SOX6: variants seen among roughly 807,000 people sequenced by gnomAD.
SOX6 encodes transcription factor SOX-6.
Under a neutral mutation model 97.8 loss-of-function variants are expected in SOX6, and 11 were observed. The observed-to-expected ratio is 0.11, with a 90% CI of 0.07 to 0.19. The LOEUF (loss-of-function observed/expected upper bound fraction) is 0.19, where lower values mean the gene tolerates loss of function less well. Ranked by LOEUF, SOX6 falls within the 10% of genes least tolerant of loss-of-function variation. SOX6 has a pLI of 1.00. For synonymous variants in SOX6, 360 were observed against 371.4 expected (o/e 0.97, Z 0.35); for missense variants, 810 against 1,039.5 (o/e 0.78, Z 3.04).
At chr11:16,552,848 T>G (rs1242664015) in intron 4 of SOX6, among the ~76,000 whole-genome samples, 1 of 152,152 alleles carries the variant, frequency 6.6e-6, no homozygotes, top group Non-Finnish European at 1.5e-5. Context: ...ATAAGTAAGT[T>G]TGATTTGGTA....
At chr11:16,234,714 A>T in intron 3 of SOX6, 43 bp from the exon 4 acceptor site, 1 of 1,163,110 alleles carries the variant, frequency 8.6e-7, no homozygotes, top group Non-Finnish European at 1.2e-6. Flanking sequence ...TATATTTATT[A>T]CAAATTTAGA....
At chr11:16,081,588 A>T (rs1433145700) in intron 9 of SOX6, among the ~76,000 whole-genome samples, 4 of 152,142 alleles carry the variant, frequency 2.6e-5, no homozygotes, top group Non-Finnish European at 5.9e-5. Flanking sequence ...TGGAATATTT[A>T]TGTCGCTATG....
In SOX6 at chr11:16,118,331, T is replaced by C. The variant is rs1849403943; in HGVS notation, c.778-6408A>G. Reference sequence around the variant, plus strand: ...GGTGGGGAACATATTCTTGATCAAATAGGCTACATGCCCAGAAATTTTAAT... The same window carrying C: ...GGTGGGGAACATATTCTTGATCAAACAGGCTACATGCCCAGAAATTTTAAT... On this transcript the variant is annotated intron_variant, in intron 6 of 15. Coordinates refer to ENST00000683767, the MANE Select transcript of SOX6 (RefSeq NM_001367873.1). 1.3e-5 allele frequency among the ~76,000 whole-genome samples: 2 copies of C among 152,226 alleles called. 1 individual carries two copies. The highest frequency in any genetic ancestry group is 3.8e-4 in the East Asian group (2 of 5,196).
chr11:16,346,981 T>C (rs1411556412), intron 1 of SOX6, among the ~76,000 whole-genome samples: 1 of 152,126 alleles, frequency 6.6e-6, no homozygotes, highest in Non-Finnish European at 1.5e-5. Flanking sequence ...AAAGTTTGTG[T>C]TTCTAGAGTT....
chr11:16,348,232 G>A (rs986008866), intron 1 of SOX6, among the ~76,000 whole-genome samples: 4 of 152,112 alleles, frequency 2.6e-5, no homozygotes, highest in African/African-American at 9.7e-5. Flanking sequence ...GTTAAATATA[G>A]GTGCCAAGCT....
intron 3 of SOX6, among the ~76,000 whole-genome samples, chr11:16,252,772 A>T: frequency 6.6e-6 from 1 of 152,050 alleles, no homozygotes; most frequent in East Asian, 1.9e-4. Flanking sequence ...CAAGCCTTCC[A>T]CTTGGGAGAA....
chr11:16,465,010 A>T (rs1207199532), intron 1 of SOX6, among the ~76,000 whole-genome samples: 1 of 152,188 alleles, frequency 6.6e-6, no homozygotes, highest in African/African-American at 2.4e-5. Context: ...TCAATCATTT[A>T]CTGTTTAACT....
intron 12 of SOX6, 153 bp from the exon 13 acceptor site, chr11:16,015,203 G>T: frequency 2.8e-6 from 2 of 718,430 alleles, no homozygotes; most frequent in Admixed American, 2.1e-5. Context: ...AGATTCCGTT[G>T]AAAGCTGTTT....
intron 4 of SOX6, chr11:16,484,400 C>T (rs1164215701): frequency 1.1e-5 from 9 of 791,304 alleles, no homozygotes; most frequent in Non-Finnish European, 2.1e-5. Flanking sequence ...CTGGCAGGCT[C>T]CTTTAACCAG....
intron 3 of SOX6, among the ~76,000 whole-genome samples, chr11:16,689,149 C>T (rs116569698): frequency 0.011 from 1,714 of 152,258 alleles, 25 homozygotes; most frequent in African/African-American, 0.039. Context: ...TTTCCCTGGA[C>T]GAGAATAGTT....
At chr11:16,132,480 G>GAA (rs1367390359) in intron 6 of SOX6, among the ~76,000 whole-genome samples, 1 of 145,508 alleles carries the variant, frequency 6.9e-6, no homozygotes, top group Admixed American at 6.9e-5. Context: ...AAGAAAGAAA[G>GAA]AAAGAAAGAA....
chr11:16,727,742 A>G (rs1590066653), intron 2 of SOX6, among the ~76,000 whole-genome samples: 1 of 152,128 alleles, frequency 6.6e-6, no homozygotes, highest in East Asian at 1.9e-4. Context: ...CCAGAGACAT[A>G]TTACTTTTAT....
At chr11:16,666,177 GT>G (rs58004049) in intron 3 of SOX6, among the ~76,000 whole-genome samples, 2,741 of 152,128 alleles carry the variant, frequency 0.018, 72 homozygotes, top group East Asian at 0.053. Flanking sequence ...CATCAACACC[GT>G]CAGGAAAACA....
At chr11:16,054,783 TAAGTC>T (rs761681508) in intron 10 of SOX6, among the ~76,000 whole-genome samples, 52 of 152,184 alleles carry the variant, frequency 3.4e-4, no homozygotes, top group Non-Finnish European at 6.3e-4. Flanking sequence ...TCCAAGTAGA[TAAGTC>T]AATTATACAA....
chr11:16,574,408 A>T (rs930469260), intron 4 of SOX6, among the ~76,000 whole-genome samples: 24 of 152,122 alleles, frequency 1.6e-4, no homozygotes, highest in African/African-American at 5.8e-4. Flanking sequence ...TTAATAAATT[A>T]TCTGGGATAG....
intron 3 of SOX6, among the ~76,000 whole-genome samples, chr11:16,257,804 C>T (rs1416087065): frequency 6.6e-6 from 1 of 151,656 alleles, no homozygotes; most frequent in Non-Finnish European, 1.5e-5. Context: ...TTGCAAAAGA[C>T]ATATCTGATA....
intron 3 of SOX6, among the ~76,000 whole-genome samples, chr11:16,711,143 C>G (rs981009298): frequency 1.3e-5 from 2 of 152,200 alleles, no homozygotes; most frequent in African/African-American, 4.8e-5. Flanking sequence ...AACAGCTTCA[C>G]TTCTACTCTT....
At chr11:16,534,497 T>C (rs550526936) in intron 4 of SOX6, among the ~76,000 whole-genome samples, 1 of 152,258 alleles carries the variant, frequency 6.6e-6, no homozygotes, top group East Asian at 1.9e-4. Context: ...TGCAGTTTTA[T>C]AGTCTTTGGA....
At chr11:16,488,631 C>T (rs1003150650) in intron 4 of SOX6, among the ~76,000 whole-genome samples, 5 of 152,108 alleles carry the variant, frequency 3.3e-5, no homozygotes, top group African/African-American at 1.2e-4. Flanking sequence ...ACCACATTAT[C>T]ACACCTAACA....
Sources: allele counts gnomAD v4.1 joint callset (sites outside exome capture counted in the v4.1 genomes callset), GRCh38; gene constraint gnomAD v4.1.1; transcripts MANE v1.5; gene names NCBI Gene and HGNC (gene_info 2026-07-23, HGNC 2026-07-21).